Variants in AFDN observed in about 807,000 individuals in gnomAD.
The protein encoded by AFDN is afadin, adherens junction formation factor, also known as afadin.
Under a neutral mutation model 216.6 loss-of-function variants are expected in AFDN, and 68 were observed. That is an observed-to-expected ratio of 0.31 (90% CI 0.26 to 0.38). AFDN has a LOEUF of 0.38. AFDN is among the 10% of genes least tolerant of loss of function. The pLI is 1.00. For missense variants in AFDN, 2,136 were observed against 2,342.0 expected, an observed-to-expected ratio of 0.91 and a Z score of 1.82; for synonymous variants, 868 against 853.7, an observed-to-expected ratio of 1.02 and a Z score of -0.29.
intron 11 of AFDN, among the ~76,000 whole-genome samples, chr6:167,899,700 G>C (rs1788706063): frequency 6.6e-6 from 1 of 152,172 alleles, no homozygotes; most frequent in South Asian, 2.1e-4. Context: ...TAGGCTCACT[G>C]AGGTTTGTCC....
Position 167,951,141 on chromosome 6 carries a change from T to G in AFDN, c.3832-45T>G. On this transcript the variant is annotated intron_variant, in intron 29 of 33. Coordinates refer to ENST00000683244, the MANE Select transcript of AFDN (RefSeq NM_001386888.1). This position sits in a 1 kb window ranked among gnomAD's most constrained non-coding sequence, Gnocchi z 7.1. ...AAAATGTTTGTGGATATTTGGTAATTTCTAGTAAATGGCTGAAATATAATA... is the reference window on the plus strand; with the variant it reads ...AAAATGTTTGTGGATATTTGGTAATGTCTAGTAAATGGCTGAAATATAATA... 3 of 1,508,140 alleles carry G rather than the reference T, an allele frequency of 2.0e-6. No individual in the cohort carries two copies. Among genetic ancestry groups the G allele is most frequent in the Non-Finnish European group, 2.7e-6 (3 of 1,129,990 alleles). The allele number at this position is 1,508,140 out of a possible 1,614,324, so 93.4% of individuals were successfully genotyped here.
At chr6:167,924,975 A>G (rs944547625) in intron 22 of AFDN, 30 bp from the exon 23 acceptor site, 6 of 1,517,248 alleles carry the variant, frequency 4.0e-6, no homozygotes, top group Non-Finnish European at 5.5e-6. Context: ...CATTTCAGTC[A>G]TAAAATAAAC....
In AFDN at chr6:167,875,393, C is replaced by T; in HGVS notation, c.637C>T (p.Arg213Ter). ...AGACATGCCGGAAACCAGCTTTACT[C>T]GAACCATTTCTAATCCTGAGGTGGT... Reference protein sequence around the residue: ...YKDMPETSFTRTISNPEVVMK... With the variant: ...YKDMPETSFT Residue 213 changes from arginine (R) to a stop codon, truncating the protein, a stop_gained, in exon 5 of 34, where the codon CGA becomes TGA. Coordinates refer to ENST00000683244, the MANE Select transcript of AFDN (RefSeq NM_001386888.1). LOFTEE classifies it high-confidence loss of function. 3 of 1,613,794 alleles carry T rather than the reference C, an allele frequency of 1.9e-6. No homozygotes were observed. The highest frequency in any genetic ancestry group is 2.5e-6 in the Non-Finnish European group (3 of 1,179,872).
In AFDN at chr6:167,951,464, C is replaced by G; in HGVS notation, c.4110C>G (p.Asp1370Glu). Residue 1370 changes from aspartate (D) to glutamate (E), a missense_variant, in exon 30 of 34, where the codon GAC becomes GAG. This residue lies in a region of AFDN where 981 missense variants were observed against 966.0 expected (regional missense o/e 1.02). Coordinates refer to ENST00000683244, the MANE Select transcript of AFDN (RefSeq NM_001386888.1). The surrounding 1 kb of genome is among the most constrained non-coding windows in gnomAD (Gnocchi z 7.1). ...CCGTCTCCCAGCCAATCCGAACAGA[C>G]CTGCCTCCGCCACCCCCGCCACCTC... ...PVAVSQPIRT[D>E]LPPPPPPPPV... 1 of 1,614,136 alleles carries G rather than the reference C, an allele frequency of 6.2e-7. No individual in the cohort carries two copies. Among genetic ancestry groups the G allele is most frequent in the Non-Finnish European group, 8.5e-7 (1 of 1,180,048 alleles).
intron 32 of AFDN, among the ~76,000 whole-genome samples, chr6:167,968,145 C>G (rs1797741587): frequency 6.6e-6 from 1 of 152,256 alleles, no homozygotes; most frequent in South Asian, 2.1e-4. Context: ...AGATATAATA[C>G]AATGTTTTTA....
chr6:167,939,986 AAAAAGCTCAGTCTTTGCC>A (rs1794486890), intron 23 of AFDN, among the ~76,000 whole-genome samples: 3 of 152,260 alleles, frequency 2.0e-5, no homozygotes, highest in African/African-American at 7.2e-5. Context: ...TTAAATTTAT[AAAAAGCTCAGTCTTTGCC>A]AACTATCCCA....
chr6:167,967,073 T>G (rs997518645), intron 32 of AFDN, among the ~76,000 whole-genome samples: 1 of 152,244 alleles, frequency 6.6e-6, no homozygotes, highest in Admixed American at 6.5e-5. Context: ...AGTCATTGTT[T>G]TCAAGACAGC....
intron 30 of AFDN, 134 bp downstream of exon 30, chr6:167,952,321 T>TA (rs1427736967): frequency 6.6e-7 from 1 of 1,525,398 alleles, no homozygotes; most frequent in African/African-American, 1.4e-5. Flanking sequence ...TGTTTTATTG[T>TA]ATGTGTTACT....
At chr6:167,875,219 A>T in intron 4 of AFDN, 116 bp from the exon 5 acceptor site, 1 of 849,862 alleles carries the variant, frequency 1.2e-6, no homozygotes, top group Non-Finnish European at 1.9e-6. Context: ...CAGACCTCTT[A>T]GGTACAGATG....
chr6:167,871,626 G>A (rs1226518528), intron 3 of AFDN, among the ~76,000 whole-genome samples: 1 of 152,094 alleles, frequency 6.6e-6, no homozygotes, highest in Non-Finnish European at 1.5e-5. Context: ...GCCATTGTTC[G>A]AGGTTAAAAT....
rs369896400 is a variant in AFDN, at chr6:167,890,440, G to A, written c.1010-422G>A. On this transcript the variant is annotated intron_variant, in intron 7 of 33. Coordinates refer to ENST00000683244, the MANE Select transcript of AFDN (RefSeq NM_001386888.1). ...TGGTTACATGAATAAATTTTTTCGT[G>A]GTGATTTCTGAGATTTTAGTGTACT... 5.3e-5 allele frequency among the ~76,000 whole-genome samples: 8 copies of A among 152,152 alleles called. No individual in the cohort carries two copies. The South Asian group carries it at 1.7e-3, about 32-fold the overall frequency.
In AFDN at chr6:167,951,186, C is replaced by T. The variant is rs144621028; in HGVS notation, c.3832C>T (p.Arg1278Cys). 1.2e-5 allele frequency: 19 copies of T among 1,522,978 alleles called. No individual in the cohort carries two copies. Among genetic ancestry groups the T allele is most frequent in the African/African-American group, 9.8e-5 (7 of 71,518 alleles). The allele number at this position is 1,522,978 out of a possible 1,614,324, so 94.3% of individuals were successfully genotyped here. A position where few individuals can be genotyped will look rare whatever the true frequency, so the allele number is the denominator to read the frequency against. The change falls in exon 30 of 34, where the codon CGT becomes TGT. Residue 1278 changes from arginine (R) to cysteine (C), a missense_variant and splice_region_variant. Arg to Cys is a radical substitution (Grantham distance 180). Transcript: ENST00000683244. The surrounding 1 kb of genome is among the most constrained non-coding windows in gnomAD (Gnocchi z 7.1). ...DSNHSSIAIQ[R>C]VTRSQEELRE... ...ATAATAATTCTTTTTCTTTTTGCAG[C>T]GTGTTACACGTTCCCAAGAAGAACT...
intron 1 of AFDN, among the ~76,000 whole-genome samples, chr6:167,855,885 A>G (rs1782837561): frequency 6.6e-6 from 1 of 152,184 alleles, no homozygotes; most frequent in Admixed American, 6.5e-5. Flanking sequence ...AAGTCATAGT[A>G]CAGTAGTCCC....
intron 10 of AFDN, 147 bp from the exon 11 acceptor site, chr6:167,898,058 G>A (rs1788499895): frequency 1.2e-6 from 1 of 843,944 alleles, no homozygotes; most frequent in Admixed American, 2.9e-5. Flanking sequence ...TTATACGATT[G>A]AGGGAAATCC....
intron 9 of AFDN, among the ~76,000 whole-genome samples, chr6:167,895,549 G>A (rs1788134965): frequency 6.6e-6 from 1 of 152,136 alleles, no homozygotes; most frequent in African/African-American, 2.4e-5. Context: ...TTTACTCGAT[G>A]TCACAGATTT....
intron 9 of AFDN, among the ~76,000 whole-genome samples, chr6:167,896,201 A>C (rs1227044936): frequency 6.7e-6 from 1 of 150,334 alleles, no homozygotes; most frequent in Non-Finnish European, 1.5e-5. Context: ...AAACATTCCA[A>C]CAGTTCATAA....
intron 23 of AFDN, among the ~76,000 whole-genome samples, chr6:167,933,542 G>A (rs1269193180): frequency 1.3e-5 from 2 of 152,184 alleles, no homozygotes; most frequent in African/African-American, 4.8e-5. Flanking sequence ...TTCCTTTTTA[G>A]TCAGTTCCAA....
chr6:167,889,881 A>T (rs1315305004), intron 7 of AFDN, among the ~76,000 whole-genome samples: 1 of 152,228 alleles, frequency 6.6e-6, no homozygotes, highest in Non-Finnish European at 1.5e-5. Flanking sequence ...TGCTGACTAG[A>T]TTAACTGTGT....
intron 26 of AFDN, among the ~76,000 whole-genome samples, chr6:167,945,957 A>G (rs1404971500): frequency 3.3e-5 from 5 of 152,202 alleles, no homozygotes; most frequent in African/African-American, 1.2e-4. Flanking sequence ...GCAGGATTCT[A>G]GAAACCTCAC....
Sources: gnomAD v4.1 joint callset for allele counts (sites outside exome capture counted in the v4.1 genomes callset) on GRCh38, gnomAD v4.1.1 for gene constraint, gnomAD v4.1.1 regional missense constraint, Gnocchi (gnomAD v3.1) non-coding constraint, MANE v1.5 for transcripts, NCBI Gene and HGNC (gene_info 2026-07-23, HGNC 2026-07-21) for gene names.